TRAF7: variants seen among roughly 807,000 people sequenced by gnomAD.
TRAF7 encodes TNF receptor associated factor 7, also known as E3 ubiquitin-protein ligase TRAF7.
In TRAF7, 45 loss-of-function variants were observed where a neutral mutation model predicts 89.3. The observed-to-expected ratio is 0.50, with a 90% confidence interval of 0.40 to 0.65. The LOEUF is 0.65. Ranked by LOEUF, TRAF7 falls within the 30% of genes least tolerant of loss-of-function variation. TRAF7 has a pLI of 0.00. For synonymous variants in TRAF7, 406 were observed against 369.2 expected, an observed-to-expected ratio of 1.10 and a Z score of -1.14; for missense variants, 677 against 918.1, an observed-to-expected ratio of 0.74 and a Z score of 3.39.
intron 2 of TRAF7, among the ~76,000 whole-genome samples, chr16:2,164,398 G>A (rs1009265521): frequency 2.0e-4 from 30 of 146,706 alleles, no homozygotes; most frequent in Non-Finnish European, 2.5e-4. Flanking sequence ...CGGCCTGGTC[G>A]CATGGTTAAG....
chr16:2,177,942 A>G lies in TRAF7; in HGVS notation c.*1368A>G. ...TGGCCGGAGGAAGGACCGCAGGCAG[A>G]CAGCCTGGGCCTCTAACAGCTTTTG... On this transcript the variant is annotated 3_prime_UTR_variant, in exon 21 of 21. Transcript: ENST00000326181. 1 of 347,334 alleles carries G rather than the reference A, an allele frequency of 2.9e-6. No individual in the cohort carries two copies. The highest frequency in any genetic ancestry group is 5.4e-6 in the Non-Finnish European group (1 of 184,632). 21.5% of individuals were successfully genotyped at this position (347,334 alleles called of 1,614,324 possible).
At position 2,176,869 on chromosome 16, in the gene TRAF7, T is replaced by C. The variant is rs2093139312; in HGVS notation, c.*295T>C. ...GGAGCGAGGGCCTTTTTACTCACCTTTTCTACCGTTTTTAGACTGTATGTA... is the reference window on the plus strand; with the variant it reads ...GGAGCGAGGGCCTTTTTACTCACCTCTTCTACCGTTTTTAGACTGTATGTA... On this transcript the variant is annotated 3_prime_UTR_variant, in exon 21 of 21. Transcript: ENST00000326181. 1 of 566,370 alleles carries C rather than the reference T, an allele frequency of 1.8e-6. No individual in the cohort carries two copies. The highest frequency in any genetic ancestry group is 1.9e-5 in the African/African-American group (1 of 53,290). 35.1% of individuals were successfully genotyped at this position (566,370 alleles called of 1,614,324 possible).
At position 2,158,409 on chromosome 16, in the gene TRAF7, C is replaced by T. The variant is rs1398412586; in HGVS notation, c.-39+2551C>T. Among the ~76,000 whole-genome samples the T allele has an allele frequency of 6.6e-6, 1 of 152,114 alleles. No homozygotes were observed. The highest frequency in any genetic ancestry group is 2.4e-5 in the African/African-American group (1 of 41,394). On this transcript the variant is annotated intron_variant, in intron 1 of 20. Coordinates refer to ENST00000326181, the MANE Select transcript of TRAF7 (RefSeq NM_032271.3). The surrounding 1 kb of genome is among the most constrained non-coding windows in gnomAD (Gnocchi z 4.7). ...GGCTGGTCACGTGTAGACCCGGACA[C>T]CCTCACCCGGCTGGAGGAAGCCGGC...
Position 2,176,795 on chromosome 16 carries a change from G to C in TRAF7, c.*221G>C. ...CCCCTCTCTGGGTGCCAGGTACGACGCTTGCCCCGGCCCACCCTCCATCCC... is the reference window on the plus strand; with the variant it reads ...CCCCTCTCTGGGTGCCAGGTACGACCCTTGCCCCGGCCCACCCTCCATCCC... On this transcript the variant is annotated 3_prime_UTR_variant, in exon 21 of 21. Coordinates refer to ENST00000326181, the MANE Select transcript of TRAF7 (RefSeq NM_032271.3). The C allele has an allele frequency of 1.5e-6, 1 of 667,060 alleles. No individual in the cohort carries two copies. Among genetic ancestry groups the C allele is most frequent in the Non-Finnish European group, 2.6e-6 (1 of 383,844 alleles). 41.3% of individuals were successfully genotyped at this position (667,060 alleles called of 1,614,324 possible).
chr16:2,166,142 T>C (rs1434725138), intron 3 of TRAF7, among the ~76,000 whole-genome samples: 2 of 152,232 alleles, frequency 1.3e-5, no homozygotes, highest in Admixed American at 1.3e-4. Context: ...TCCTGCTCCT[T>C]GTGCCTCGGT....
chr16:2,158,242 A>T lies in TRAF7; in HGVS notation c.-39+2384A>T, dbSNP rs2093043798. ...CTTCACCAGGCCCTCTGTGTGGATC[A>T]TGCGGGGGGAACCTGTGGAGAGGGA... On this transcript the variant is annotated intron_variant, in intron 1 of 20. Coordinates refer to ENST00000326181, the MANE Select transcript of TRAF7 (RefSeq NM_032271.3). The surrounding 1 kb of genome is among the most constrained non-coding windows in gnomAD (Gnocchi z 4.7). Among the ~76,000 whole-genome samples the T allele has an allele frequency of 6.6e-6, 1 of 151,314 alleles. No homozygotes were observed. The highest frequency in any genetic ancestry group is 1.5e-5 in the Non-Finnish European group (1 of 67,728).
chr16:2,168,065 C>A lies in TRAF7; in HGVS notation c.140-12C>A. 6.2e-7 allele frequency: 1 copy of A among 1,610,068 alleles called. No individual in the cohort carries two copies. ...GAGCCCCCACTGAGACGCCAGCCCTCTTGCCTTGCAGCTGACGGGACCAGC... is the reference window on the plus strand; with the variant it reads ...GAGCCCCCACTGAGACGCCAGCCCTATTGCCTTGCAGCTGACGGGACCAGC... On this transcript the variant is annotated splice_polypyrimidine_tract_variant and intron_variant, in intron 3 of 20. Coordinates refer to ENST00000326181, the MANE Select transcript of TRAF7 (RefSeq NM_032271.3). The surrounding 1 kb of genome is among the most constrained non-coding windows in gnomAD (Gnocchi z 4.1).
intron 11 of TRAF7, 102 bp from the exon 12 acceptor site, chr16:2,173,686 A>T: frequency 6.4e-7 from 1 of 1,561,052 alleles, no homozygotes; most frequent in East Asian, 2.3e-5. Context: ...GGCTGCTGTC[A>T]CCCCTGCCCA....
rs1055166158 is a variant in TRAF7, at chr16:2,171,148, C to T, written c.349-116C>T. Reference sequence around the variant, plus strand: ...AGCTCTAAGCAGGCCTCTCTCAGGACGTGACCCTGTCCTCAGAGGACAGCC... The same window carrying T: ...AGCTCTAAGCAGGCCTCTCTCAGGATGTGACCCTGTCCTCAGAGGACAGCC... On this transcript the variant is annotated intron_variant, in intron 5 of 20. Transcript: ENST00000326181. 7.1e-5 allele frequency: 58 copies of T among 811,864 alleles called. 1 individual carries two copies. The South Asian group carries it at 7.5e-4, about 11-fold the overall frequency. 50.3% of individuals were successfully genotyped at this position (811,864 alleles called of 1,614,324 possible).
rs1432814416 is a variant in TRAF7, at chr16:2,164,181, CACGCGTGCGT to C, written c.81+181_81+190del. Reference sequence around the variant, plus strand: ...GTGTGCGCGCGCGCGCGCGCGCGCGCACGCGTGCGTGTGTGGTTGGGGCGTGTTAGTGCTG... The same window carrying C: ...GTGTGCGCGCGCGCGCGCGCGCGCGCGTGTGGTTGGGGCGTGTTAGTGCTG... On this transcript the variant is annotated intron_variant, in intron 2 of 20. Transcript: ENST00000326181. Among the ~76,000 whole-genome samples the C allele has an allele frequency of 7.3e-5, 9 of 122,738 alleles. No homozygotes were observed. The South Asian group carries it at 7.3e-4, about 10-fold the overall frequency. The allele number at this position is 122,738 out of a possible 152,430, so 80.5% of individuals were successfully genotyped here.
At position 2,175,379 on chromosome 16, in the gene TRAF7, C is replaced by A; in HGVS notation, c.1465C>A (p.His489Asn). 1 of 1,613,660 alleles carries A rather than the reference C, an allele frequency of 6.2e-7. No homozygotes were observed. ...CCCGGTGTGCACGCTGGTCTCCTCA[C>A]ACAACGTGCTCTTCAGCGGCTCCCT... ...DNPVCTLVSS[H>N]NVLFSGSLKA... The change falls in exon 16 of 21, where the codon CAC (histidine) becomes AAC (asparagine). Residue 489 changes from histidine (H) to asparagine (N), a missense_variant. By Grantham distance (68) the His-to-Asn change is moderately conservative. Transcript: ENST00000326181.
rs924674011 is a variant in TRAF7 at position 2,174,974 on chromosome 16, T to TA, written c.1347-135dup. The TA allele has an allele frequency of 5.5e-6, 6 of 1,082,376 alleles. No homozygotes were observed. In the African/African-American group the frequency reaches 9.3e-5, roughly 17 times the overall value. The allele number at this position is 1,082,376 out of a possible 1,614,324, so 67.0% of individuals were successfully genotyped here. ...GGAGACTGGAAAATAGGCTGACGCT[T>TA]AAGGACACAGCAGTGGCCTTGGCCC... On this transcript the variant is annotated intron_variant, in intron 14 of 20. Coordinates refer to ENST00000326181, the MANE Select transcript of TRAF7 (RefSeq NM_032271.3).
chr16:2,164,169 C>CGCGCGCGCGCGCGCACGCGTGCGT (rs2093070287), intron 2 of TRAF7, among the ~76,000 whole-genome samples, 168 bp downstream of exon 2: 1 of 109,698 alleles, frequency 9.1e-6, no homozygotes, highest in Non-Finnish European at 1.8e-5. Context: ...TGCGCGCGCG[C>CGCGCGCGCGCGCGCACGCGTGCGT]GCGCGCGCGC....
In TRAF7 at chr16:2,177,159, C is replaced by T; in HGVS notation, c.*585C>T. ...CCCATCTCCCCCAACACATGTGCCC[C>T]CAAAAAGTGAGCCAGGCACCTCTGT... On this transcript the variant is annotated 3_prime_UTR_variant, in exon 21 of 21. Coordinates refer to ENST00000326181, the MANE Select transcript of TRAF7 (RefSeq NM_032271.3). 1 of 247,642 alleles carries T rather than the reference C, an allele frequency of 4.0e-6. No individual in the cohort carries two copies. The allele number at this position is 247,642 out of a possible 1,614,324, so 15.3% of individuals were successfully genotyped here.
Position 2,163,767 on chromosome 16 carries a change from C to G in TRAF7, c.-38-116C>G. 1.4e-6 allele frequency: 1 copy of G among 701,012 alleles called. No individual in the cohort carries two copies. Among genetic ancestry groups the G allele is most frequent in the Non-Finnish European group, 2.5e-6 (1 of 399,584 alleles). The allele number at this position is 701,012 out of a possible 1,614,324, so 43.4% of individuals were successfully genotyped here. On this transcript the variant is annotated intron_variant, in intron 1 of 20. Coordinates refer to ENST00000326181, the MANE Select transcript of TRAF7 (RefSeq NM_032271.3). This position sits in a 1 kb window ranked among gnomAD's most constrained non-coding sequence, Gnocchi z 4.3. ...CTGAGCCGGGGCTGGTGGTGGAAGG[C>G]TGCTGCGGCGGCCCCACGGTGCCCC...
At position 2,170,750 on chromosome 16, in the gene TRAF7, C is replaced by T. The variant is rs371639306; in HGVS notation, c.348+20C>T. On this transcript the variant is annotated intron_variant, in intron 5 of 20. Coordinates refer to ENST00000326181, the MANE Select transcript of TRAF7 (RefSeq NM_032271.3). ...GAGCCGGTAGGTGTGGGGGACTCGG[C>T]GCAGAGCGGCTTCCAGGGCTGTCAC... 6.3e-5 allele frequency: 100 copies of T among 1,578,152 alleles called. 1 individual carries two copies. In the Middle Eastern group the frequency reaches 4.0e-3, roughly 63 times the overall value.
chr16:2,173,857 G>GCGGGGGGGGCC, intron 12 of TRAF7, 21 bp downstream of exon 12: 1 of 1,607,510 alleles, frequency 6.2e-7, no homozygotes, highest in Non-Finnish European at 8.5e-7. Context: ...ACCCGCCGTG[G>GCGGGGGGGGCC]CTCCCGCCCA....
At chr16:2,160,088 G>T (rs1489771072) in intron 1 of TRAF7, among the ~76,000 whole-genome samples, 1 of 152,188 alleles carries the variant, frequency 6.6e-6, no homozygotes, top group Non-Finnish European at 1.5e-5. Flanking sequence ...AGGCAGCGAG[G>T]CGCTGAGGAA....
chr16:2,164,279 G>A (rs546539952), intron 2 of TRAF7, among the ~76,000 whole-genome samples: 3 of 150,582 alleles, frequency 2.0e-5, no homozygotes, highest in Non-Finnish European at 3.0e-5. Flanking sequence ...CTGGTCGCAT[G>A]GTTAAGCGTG....
Sources: allele counts gnomAD v4.1 joint callset (sites outside exome capture counted in the v4.1 genomes callset), GRCh38; gene constraint gnomAD v4.1.1; non-coding constraint Gnocchi (gnomAD v3.1); transcripts MANE v1.5; gene names NCBI Gene and HGNC (gene_info 2026-07-23, HGNC 2026-07-21).